The following ADGRL4 variants were observed in gnomAD, a reference collection of about 807,000 sequenced individuals.
ADGRL4 encodes the protein adhesion G protein-coupled receptor L4, also known as EGF, latrophilin and seven transmembrane domain containing 1.
In ADGRL4, 90 loss-of-function variants were observed where a neutral mutation model predicts 74.8. That is an observed-to-expected ratio of 1.20 (90% CI 1.02 to 1.43). ADGRL4 has a LOEUF of 1.43. ADGRL4 is among the 40% of genes most tolerant of loss of function. ADGRL4 has a pLI of 0.00. For missense variants in ADGRL4, 881 were observed against 814.3 expected (o/e 1.08, Z -1.00); for synonymous variants, 311 against 279.2 (o/e 1.11, Z -1.14).
chr1:78,899,967 G>A (rs984842614), intron 12 of ADGRL4, among the ~76,000 whole-genome samples: 1 of 152,176 alleles, frequency 6.6e-6, no homozygotes, highest in Non-Finnish European at 1.5e-5. Flanking sequence ...TAAACTTTAA[G>A]ATAGGGAGGT....
chr1:78,955,006 T>C (rs1435360886), intron 2 of ADGRL4, among the ~76,000 whole-genome samples: 2 of 152,092 alleles, frequency 1.3e-5, no homozygotes, highest in Admixed American at 6.5e-5. Flanking sequence ...ACAACATAAA[T>C]ATTATTCTAA....
chr1:79,000,555 A>G (rs1650819969), intron 2 of ADGRL4, among the ~76,000 whole-genome samples: 1 of 152,132 alleles, frequency 6.6e-6, no homozygotes, highest in Non-Finnish European at 1.5e-5. Flanking sequence ...CTTTCTATAT[A>G]CTGATGGAAT....
At chr1:78,967,762 T>C (rs895749728) in intron 2 of ADGRL4, among the ~76,000 whole-genome samples, 5 of 152,152 alleles carry the variant, frequency 3.3e-5, no homozygotes, top group Non-Finnish European at 5.9e-5. Context: ...AATCTGCTCT[T>C]TGGCAAAATT....
intron 2 of ADGRL4, among the ~76,000 whole-genome samples, chr1:78,959,048 T>C (rs905323866): frequency 2.0e-5 from 3 of 152,208 alleles, no homozygotes; most frequent in African/African-American, 7.2e-5. Context: ...TTAAAGTACA[T>C]ACATTGTTTT....
In ADGRL4 at chr1:78,952,305, C is replaced by T. The variant is rs1044192043; in HGVS notation, c.173-5879G>A. 7.4e-5 allele frequency among the ~76,000 whole-genome samples: 10 copies of T among 136,014 alleles called. No homozygotes were observed. The South Asian group carries it at 2.6e-3, about 35-fold the overall frequency. 89.2% of individuals were successfully genotyped at this position (136,014 alleles called of 152,430 possible). A position where few individuals can be genotyped will look rare whatever the true frequency, so the allele number is the denominator to read the frequency against. ...TCCTTGTAAAACAGGCCCTCTGTGT[C>T]AAAGGTGGAGTAACATAGAAAGCTT... On this transcript the variant is annotated intron_variant, in intron 2 of 14. Coordinates refer to ENST00000370742, the MANE Select transcript of ADGRL4 (RefSeq NM_022159.4).
intron 2 of ADGRL4, among the ~76,000 whole-genome samples, chr1:78,954,893 T>C (rs1649797934): frequency 6.6e-6 from 1 of 152,094 alleles, no homozygotes; most frequent in Non-Finnish European, 1.5e-5. Flanking sequence ...CCTAACTTAC[T>C]AAAAAATTTG....
intron 13 of ADGRL4, among the ~76,000 whole-genome samples, chr1:78,892,591 C>G (rs1477838003): frequency 6.6e-6 from 1 of 152,058 alleles, no homozygotes; most frequent in Non-Finnish European, 1.5e-5. Flanking sequence ...AACTATAAAT[C>G]TTGTGCAAAG....
At chr1:78,962,064 A>G (rs1366593939) in intron 2 of ADGRL4, among the ~76,000 whole-genome samples, 1 of 152,052 alleles carries the variant, frequency 6.6e-6, no homozygotes, top group Non-Finnish European at 1.5e-5. Flanking sequence ...ATTTTTTAGT[A>G]GAGACAGAGT....
intron 12 of ADGRL4, among the ~76,000 whole-genome samples, chr1:78,901,368 G>A: frequency 6.6e-6 from 1 of 152,100 alleles, no homozygotes; most frequent in East Asian, 1.9e-4. Flanking sequence ...AAAGGAAGGG[G>A]GGCTACATTT....
Position 78,920,212 on chromosome 1 carries a change from G to A in ADGRL4, c.1432C>T (p.Leu478Phe), listed in dbSNP as rs1420403802. 6.2e-7 allele frequency: 1 copy of A among 1,611,500 alleles called. No homozygotes were observed. Among genetic ancestry groups the A allele is most frequent in the Non-Finnish European group, 8.5e-7 (1 of 1,178,632 alleles). Residue 478 changes from leucine (L) to phenylalanine (F), a missense_variant, in exon 10 of 15, where the codon CTT becomes TTT. By Grantham distance (22) the Leu-to-Phe change is conservative (BLOSUM62 0). Transcript: ENST00000370742. ...TTAGTATTTGTATTGATCCCAACAA[G>A]AAAAACAAGTTCAGCAAGAAATAGG... ...CSLFLAELVFLVGINTNTNKL... is the reference protein window; with the variant it reads ...CSLFLAELVFFVGINTNTNKL...
chr1:78,917,774 A>C, intron 11 of ADGRL4, 56 bp downstream of exon 11: 1 of 1,583,748 alleles, frequency 6.3e-7, no homozygotes, highest in Non-Finnish European at 8.7e-7. Flanking sequence ...TATCAAAGAA[A>C]TGCAAAGCAC....
intron 12 of ADGRL4, among the ~76,000 whole-genome samples, chr1:78,899,660 TA>T (rs2100653767): frequency 1.3e-5 from 2 of 152,256 alleles, no homozygotes; most frequent in South Asian, 4.1e-4. Context: ...TGGCCCTATG[TA>T]GTTATTAATT....
chr1:78,915,511 G>T (rs972633997), intron 12 of ADGRL4, among the ~76,000 whole-genome samples: 9 of 151,642 alleles, frequency 5.9e-5, no homozygotes. Flanking sequence ...TTTTCTTATT[G>T]GTAGAGAAAA....
intron 2 of ADGRL4, among the ~76,000 whole-genome samples, chr1:78,973,096 T>G (rs6668563): frequency 6.6e-6 from 1 of 151,986 alleles, no homozygotes; most frequent in African/African-American, 2.4e-5. Flanking sequence ...TTCCTTCCAG[T>G]TTTAGTCTTT....
intron 2 of ADGRL4, among the ~76,000 whole-genome samples, chr1:78,956,700 T>C (rs1278568085): frequency 2.6e-5 from 4 of 152,234 alleles, no homozygotes; most frequent in African/African-American, 9.6e-5. Context: ...CCTATCAATA[T>C]CATAAAATTA....
chr1:78,966,252 C>G (rs1650053408), intron 2 of ADGRL4, among the ~76,000 whole-genome samples: 2 of 152,180 alleles, frequency 1.3e-5, no homozygotes, highest in South Asian at 4.1e-4. Flanking sequence ...AGGATTCAAT[C>G]TGTGATCGGG....
chr1:78,936,203 A>G (rs1013524190), intron 7 of ADGRL4, 92 bp downstream of exon 7: 38 of 1,313,500 alleles, frequency 2.9e-5, no homozygotes, highest in Non-Finnish European at 3.9e-5. Flanking sequence ...AGGAAACCAC[A>G]TGTTACATGT....
chr1:78,986,356 T>C (rs1450894233), intron 2 of ADGRL4, among the ~76,000 whole-genome samples: 3 of 151,676 alleles, frequency 2.0e-5, no homozygotes, highest in African/African-American at 4.8e-5. Flanking sequence ...ATCCTAGCAT[T>C]TGGGAGGTCA....
At chr1:78,924,623 G>A (rs1049931028) in intron 8 of ADGRL4, among the ~76,000 whole-genome samples, 1 of 152,118 alleles carries the variant, frequency 6.6e-6, no homozygotes, top group South Asian at 2.1e-4. Flanking sequence ...ATGTTTGAAC[G>A]TTTTGAAAAG....
Sources: gnomAD v4.1 joint callset for allele counts (sites outside exome capture counted in the v4.1 genomes callset) on GRCh38, gnomAD v4.1.1 for gene constraint, MANE v1.5 for transcripts, NCBI Gene and HGNC (gene_info 2026-07-23, HGNC 2026-07-21) for gene names.